GABBR2: variants seen among roughly 807,000 people sequenced by gnomAD.
The protein encoded by GABBR2 is gamma-aminobutyric acid type B receptor subunit 2.
Under a neutral mutation model 105.6 loss-of-function variants are expected in GABBR2, and 23 were observed. The ratio of observed to expected loss-of-function variants is 0.22; its 90% CI spans 0.16 to 0.31. GABBR2 has a LOEUF of 0.31. Among genes scored for constraint, GABBR2 ranks in the 10% least tolerant of loss-of-function variants. The pLI is 1.00. For synonymous variants in GABBR2, 478 were observed against 499.7 expected (o/e 0.96, Z 0.58); for missense variants, 734 against 1,245.5 (o/e 0.59, Z 6.18).
chr9:98,345,989 A>C, intron 13 of GABBR2, among the ~76,000 whole-genome samples: 1 of 152,362 alleles, frequency 6.6e-6, no homozygotes, highest in Middle Eastern at 3.4e-3. Context: ...TTTAATTAAA[A>C]ATACCTTATT....
chr9:98,511,989 A>G (rs925006707), intron 3 of GABBR2, among the ~76,000 whole-genome samples: 8 of 152,202 alleles, frequency 5.3e-5, no homozygotes, highest in African/African-American at 1.9e-4. Context: ...CTTCATGAAC[A>G]TCGATGCAGA....
At chr9:98,623,676 ATC>A (rs920198218) in intron 1 of GABBR2, among the ~76,000 whole-genome samples, 1 of 151,968 alleles carries the variant, frequency 6.6e-6, no homozygotes, top group African/African-American at 2.4e-5. Context: ...GCACCTTCTA[ATC>A]TCTCTTTGAC....
intron 8 of GABBR2, among the ~76,000 whole-genome samples, chr9:98,399,888 A>T (rs1832359958): frequency 6.6e-6 from 1 of 152,056 alleles, no homozygotes; most frequent in Non-Finnish European, 1.5e-5. Context: ...AAAAATGGTC[A>T]AAGGGCTGGG....
chr9:98,369,544 C>A (rs773929691), intron 12 of GABBR2, among the ~76,000 whole-genome samples: 3 of 152,192 alleles, frequency 2.0e-5, no homozygotes, highest in Non-Finnish European at 2.9e-5. Flanking sequence ...AGACTAAGAG[C>A]TTTGTCTAAC....
At chr9:98,324,660 G>A (rs1160858234) in intron 13 of GABBR2, among the ~76,000 whole-genome samples, 1 of 152,172 alleles carries the variant, frequency 6.6e-6, no homozygotes, top group East Asian at 1.9e-4. Flanking sequence ...AACAGGATGC[G>A]TAATGGCTGC....
chr9:98,538,771 A>G (rs1828231538), intron 3 of GABBR2: 1 of 165,102 alleles, frequency 6.1e-6, no homozygotes, highest in South Asian at 2.0e-4. Flanking sequence ...GACCAGTTTC[A>G]TAAAAGGAAT....
chr9:98,650,149 T>C (rs902162097), intron 1 of GABBR2, among the ~76,000 whole-genome samples: 4 of 152,192 alleles, frequency 2.6e-5, no homozygotes, highest in African/African-American at 9.6e-5. Flanking sequence ...ATTTTTCATG[T>C]GTTTCAGTCC....
intron 7 of GABBR2, among the ~76,000 whole-genome samples, chr9:98,409,146 G>C (rs1832541379): frequency 6.6e-6 from 1 of 152,250 alleles, no homozygotes; most frequent in Non-Finnish European, 1.5e-5. Flanking sequence ...GAGGGAGGCA[G>C]GGTTGTGGCT....
intron 1 of GABBR2, among the ~76,000 whole-genome samples, chr9:98,676,689 AT>A (rs1830481770): frequency 6.6e-6 from 1 of 152,218 alleles, no homozygotes; most frequent in South Asian, 2.1e-4. Flanking sequence ...CTATAGCACG[AT>A]GGGACAACAA....
intron 3 of GABBR2, among the ~76,000 whole-genome samples, chr9:98,520,000 G>C (rs1293670188): frequency 6.6e-6 from 1 of 152,160 alleles, no homozygotes; most frequent in East Asian, 1.9e-4. Context: ...CGAGTCAGGT[G>C]ACTCTAGACT....
intron 13 of GABBR2, among the ~76,000 whole-genome samples, chr9:98,332,766 C>T (rs1405325927): frequency 6.6e-6 from 1 of 152,210 alleles, no homozygotes; most frequent in African/African-American, 2.4e-5. Context: ...AAAGAAAGAG[C>T]CTGAACAGAC....
At chr9:98,569,628 T>C (rs898822657) in intron 2 of GABBR2, among the ~76,000 whole-genome samples, 12 of 152,208 alleles carry the variant, frequency 7.9e-5, no homozygotes, top group African/African-American at 2.9e-4. Flanking sequence ...AATCAGACCA[T>C]GGCACATGCT....
intron 5 of GABBR2, 139 bp downstream of exon 5, chr9:98,480,793 G>C: frequency 1.5e-6 from 1 of 652,730 alleles, no homozygotes; most frequent in Non-Finnish European, 2.9e-6. Context: ...AAAGAACAGT[G>C]AACGCAACTC....
chr9:98,426,321 G>C (rs1387331999), intron 7 of GABBR2, among the ~76,000 whole-genome samples: 1 of 152,212 alleles, frequency 6.6e-6, no homozygotes, highest in Non-Finnish European at 1.5e-5. Flanking sequence ...GCAATCCCAA[G>C]ATGGCATGCT....
At chr9:98,602,041 C>T (rs997225849) in intron 1 of GABBR2, among the ~76,000 whole-genome samples, 4 of 152,116 alleles carry the variant, frequency 2.6e-5, no homozygotes, top group Non-Finnish European at 5.9e-5. Context: ...TGCTCTGTCA[C>T]ACAGGCCGGA....
chr9:98,584,206 G>C (rs560115746), intron 1 of GABBR2, among the ~76,000 whole-genome samples: 18 of 151,770 alleles, frequency 1.2e-4, no homozygotes, highest in African/African-American at 4.4e-4. Flanking sequence ...GCCACAACTT[G>C]ACCAGCAGGC....
intron 7 of GABBR2, among the ~76,000 whole-genome samples, chr9:98,426,342 A>G (rs1178929631): frequency 6.6e-6 from 1 of 152,220 alleles, no homozygotes; most frequent in Non-Finnish European, 1.5e-5. Context: ...GGCTCCGTGT[A>G]TAGGTTTCTC....
chr9:98,646,217 A>G (rs1830027638), intron 1 of GABBR2, among the ~76,000 whole-genome samples: 1 of 152,196 alleles, frequency 6.6e-6, no homozygotes, highest in Admixed American at 6.5e-5. Flanking sequence ...TGCAGACAAT[A>G]TGGTTCCTAC....
In GABBR2 at chr9:98,630,832, C is replaced by T. The variant is rs117536345; in HGVS notation, c.322-52760G>A. 8.7e-3 allele frequency among the ~76,000 whole-genome samples: 1,331 copies of T among 152,180 alleles called. 5 individuals are homozygous for T. Among genetic ancestry groups the T allele is most frequent in the Non-Finnish European group, 0.014 (982 of 67,964 alleles). ...ATACTTTTAAACTATAGAGCTGCAC[C>T]GTCCAACATTGGCAGCCACTAGCCA... On this transcript the variant is annotated intron_variant, in intron 1 of 18. Coordinates refer to ENST00000259455, the MANE Select transcript of GABBR2 (RefSeq NM_005458.8).
Sources: gnomAD v4.1 joint callset for allele counts (sites outside exome capture counted in the v4.1 genomes callset) on GRCh38, gnomAD v4.1.1 for gene constraint, MANE v1.5 for transcripts, NCBI Gene and HGNC (gene_info 2026-07-23, HGNC 2026-07-21) for gene names.